DPYD: variants seen among roughly 807,000 people sequenced by gnomAD.
DPYD encodes the protein dihydropyrimidine dehydrogenase, also known as dihydropyrimidine dehydrogenase [NADP(+)].
A neutral mutation model predicts 116.2 loss-of-function variants in DPYD; 109 were observed. The ratio of observed to expected loss-of-function variants is 0.94; its 90% CI spans 0.80 to 1.10. DPYD has a LOEUF of 1.10. Among genes scored for constraint, DPYD ranks in the 50% least tolerant of loss-of-function variants. The pLI is 0.00. For missense variants in DPYD, 1,302 were observed against 1,254.5 expected (o/e 1.04, Z -0.57); for synonymous variants, 440 against 432.0 (o/e 1.02, Z -0.23).
At chr1:97,302,539 T>A (rs1347492802) in intron 18 of DPYD, among the ~76,000 whole-genome samples, 1 of 151,950 alleles carries the variant, frequency 6.6e-6, no homozygotes, top group Admixed American at 6.6e-5. Context: ...GGATAAGACC[T>A]TGGAGTGAGG....
At position 97,435,989 on chromosome 1, in the gene DPYD, A is replaced by C. The variant is rs563500608; in HGVS notation, c.1905+14070T>G. The stretch of plus-strand genomic sequence containing the variant: ...ATAAAAACTTTATATTGCCTCCTAC[A>C]TTTAAGCCTCTCATAAAACAGTTGT... On this transcript the variant is annotated intron_variant, in intron 14 of 22. Coordinates refer to ENST00000370192, the MANE Select transcript of DPYD (RefSeq NM_000110.4). Among the ~76,000 whole-genome samples the C allele has an allele frequency of 8.1e-4, 124 of 152,190 alleles. 1 individual carries two copies. The highest frequency in any genetic ancestry group is 3.0e-3 in the African/African-American group (124 of 41,578).
In DPYD at chr1:97,193,122, C is replaced by G; in HGVS notation, c.2569G>C (p.Val857Leu). 6.2e-7 allele frequency: 1 copy of G among 1,614,070 alleles called. No homozygotes were observed. The highest frequency in any genetic ancestry group is 1.1e-5 in the South Asian group (1 of 91,086). ...ACTGGTTTCCCTTTCTGGTGACTCA[C>G]AGTAGCTGGACTCTGTCCATCCCAG... ...QDWDGQSPATVSHQKGKPVPR... is the reference protein window; with the variant it reads ...QDWDGQSPATLSHQKGKPVPR... Residue 857 changes from valine (V) to leucine (L), a missense_variant, in exon 20 of 23, where the codon GTG (valine) becomes CTG (leucine). Transcript: ENST00000370192.
At chr1:97,362,400 G>A (rs1447884477) in intron 16 of DPYD, among the ~76,000 whole-genome samples, 1 of 152,124 alleles carries the variant, frequency 6.6e-6, no homozygotes, top group Non-Finnish European at 1.5e-5. Flanking sequence ...TAGAATCAAT[G>A]CCATCCCCAT....
At chr1:97,753,354 A>G (rs934785244) in intron 3 of DPYD, among the ~76,000 whole-genome samples, 1 of 152,228 alleles carries the variant, frequency 6.6e-6, no homozygotes, top group African/African-American at 2.4e-5. Flanking sequence ...AATTCTGGTT[A>G]TCTCTGCCAT....
At chr1:97,552,177 T>C (rs916762091) in intron 11 of DPYD, among the ~76,000 whole-genome samples, 1 of 152,090 alleles carries the variant, frequency 6.6e-6, no homozygotes, top group Admixed American at 6.6e-5. Flanking sequence ...TTCAAATCTA[T>C]GAATTTTTCT....
intron 7 of DPYD, among the ~76,000 whole-genome samples, chr1:97,686,058 T>C (rs963937153): frequency 1.3e-5 from 2 of 152,146 alleles, no homozygotes; most frequent in African/African-American, 4.8e-5. Flanking sequence ...ACTGGAGGCA[T>C]CATGCTACCC....
chr1:97,297,468 C>T (rs1666604321), intron 18 of DPYD, among the ~76,000 whole-genome samples: 1 of 152,158 alleles, frequency 6.6e-6, no homozygotes, highest in South Asian at 2.1e-4. Context: ...TTTCAAGCAG[C>T]TTCCAGGATT....
chr1:97,863,469 T>C (rs1671220276), intron 2 of DPYD, among the ~76,000 whole-genome samples: 1 of 151,762 alleles, frequency 6.6e-6, no homozygotes, highest in Admixed American at 6.6e-5. Flanking sequence ...TACAGAGAGG[T>C]TTACGGTCAC....
intron 1 of DPYD, among the ~76,000 whole-genome samples, chr1:97,920,482 A>T (rs1196921797): frequency 1.3e-5 from 2 of 152,100 alleles, no homozygotes; most frequent in East Asian, 3.9e-4. Flanking sequence ...GGGGCAGTGG[A>T]GGTGTCCAGA....
At chr1:97,511,431 A>G (rs559079350) in intron 13 of DPYD, among the ~76,000 whole-genome samples, 38 of 152,112 alleles carry the variant, frequency 2.5e-4, no homozygotes, top group Admixed American at 1.7e-3. Context: ...TCCCAGGCCA[A>G]AGTACCTTTC....
At chr1:97,412,706 T>C (rs568673630) in intron 14 of DPYD, among the ~76,000 whole-genome samples, 6 of 152,340 alleles carry the variant, frequency 3.9e-5, no homozygotes, top group Non-Finnish European at 2.9e-5. Context: ...AGTTGCTATG[T>C]ATTTTCAAAG....
At chr1:97,473,608 G>A (rs1245379756) in intron 13 of DPYD, among the ~76,000 whole-genome samples, 2 of 152,180 alleles carry the variant, frequency 1.3e-5, no homozygotes, top group African/African-American at 2.4e-5. Flanking sequence ...CAATTTGGAT[G>A]GCTAGTATCA....
chr1:97,555,911 A>AC (rs1171591730), intron 11 of DPYD, among the ~76,000 whole-genome samples: 1 of 152,168 alleles, frequency 6.6e-6, no homozygotes, highest in Non-Finnish European at 1.5e-5. Flanking sequence ...AGGTACATAC[A>AC]TGTACAGTAG....
At chr1:97,103,262 C>G (rs1169240610) in intron 20 of DPYD, among the ~76,000 whole-genome samples, 3 of 152,090 alleles carry the variant, frequency 2.0e-5, no homozygotes, top group Admixed American at 6.6e-5. Flanking sequence ...TAATCAGTTA[C>G]TTACATTTGA....
chr1:97,237,666 G>T (rs1248566789), intron 18 of DPYD, among the ~76,000 whole-genome samples: 2 of 152,040 alleles, frequency 1.3e-5, no homozygotes, highest in South Asian at 4.1e-4. Flanking sequence ...TATACTAAAA[G>T]AAATCTACAT....
chr1:97,605,810 T>G (rs1272632004), intron 8 of DPYD, among the ~76,000 whole-genome samples: 1 of 152,092 alleles, frequency 6.6e-6, no homozygotes, highest in Non-Finnish European at 1.5e-5. Flanking sequence ...ACAGATGAAC[T>G]GATCTTGATG....
intron 19 of DPYD, among the ~76,000 whole-genome samples, chr1:97,196,092 G>A (rs1300991678): frequency 6.6e-6 from 1 of 151,456 alleles, no homozygotes; most frequent in Non-Finnish European, 1.5e-5. Context: ...ATAGGGTTTT[G>A]CATTTTGCTT....
chr1:97,427,569 G>A (rs143455916), intron 14 of DPYD, among the ~76,000 whole-genome samples: 2 of 152,000 alleles, frequency 1.3e-5, no homozygotes, highest in East Asian at 1.9e-4. Context: ...GACCTGTCTA[G>A]CCAGGAAACT....
chr1:97,195,634 GTATATATATATATA>G (rs71071637), intron 19 of DPYD, among the ~76,000 whole-genome samples: 1,085 of 57,526 alleles, frequency 0.019, 29 homozygotes, highest in East Asian at 0.028. Context: ...ATATGTATGT[GTATATATATATATA>G]TATATATATA....
Sources: allele counts gnomAD v4.1 joint callset (sites outside exome capture counted in the v4.1 genomes callset), GRCh38; gene constraint gnomAD v4.1.1; transcripts MANE v1.5; gene names NCBI Gene and HGNC (gene_info 2026-07-23, HGNC 2026-07-21).